DOCK3: variants seen among roughly 807,000 people sequenced by gnomAD.
DOCK3 encodes dedicator of cytokinesis protein 3.
A neutral mutation model predicts 265.6 loss-of-function variants in DOCK3; 60 were observed. The ratio of observed to expected loss-of-function variants is 0.23; its 90% CI spans 0.18 to 0.28. The LOEUF is 0.28. Ranked by LOEUF, DOCK3 falls within the 10% of genes least tolerant of loss-of-function variation. The pLI, the probability that DOCK3 is intolerant of heterozygous loss-of-function variation, is 1.00. For missense variants in DOCK3, 1,981 were observed against 2,594.3 expected (o/e 0.76, Z 5.14); for synonymous variants, 881 against 938.0 (o/e 0.94, Z 1.11).
chr3:51,091,750 G>A (rs2082647643), intron 9 of DOCK3, among the ~76,000 whole-genome samples: 1 of 151,462 alleles, frequency 6.6e-6, no homozygotes, highest in South Asian at 2.1e-4. Context: ...CTGGTCTGCA[G>A]CTCCCAGCAA....
chr3:51,251,708 T>G (rs1166743235), intron 22 of DOCK3, among the ~76,000 whole-genome samples: 3 of 152,176 alleles, frequency 2.0e-5, no homozygotes, highest in Non-Finnish European at 4.4e-5. Flanking sequence ...GCCCACTTTT[T>G]GATGGTTTTT....
At chr3:50,695,030 G>A (rs2035523446) in intron 1 of DOCK3, among the ~76,000 whole-genome samples, 2 of 152,068 alleles carry the variant, frequency 1.3e-5, no homozygotes, top group South Asian at 4.1e-4. Context: ...GTCACTTAAG[G>A]TTTTTATTTG....
intron 9 of DOCK3, among the ~76,000 whole-genome samples, chr3:51,124,694 A>G (rs921637746): frequency 2.0e-5 from 3 of 152,180 alleles, no homozygotes; most frequent in Admixed American, 6.5e-5. Flanking sequence ...CTTTTTGATC[A>G]ATATTAAATC....
At chr3:51,064,883 A>G (rs985615506) in intron 6 of DOCK3, among the ~76,000 whole-genome samples, 2 of 152,186 alleles carry the variant, frequency 1.3e-5, no homozygotes, top group African/African-American at 4.8e-5. Context: ...TTGACCTCAG[A>G]TTTCTTGATT....
chr3:51,003,239 C>G (rs2078549129), intron 5 of DOCK3, among the ~76,000 whole-genome samples: 1 of 152,120 alleles, frequency 6.6e-6, no homozygotes, highest in South Asian at 2.1e-4. Flanking sequence ...TTTTAAAGAG[C>G]TGCTAGTCAG....
At chr3:50,868,898 T>C (rs2047274169) in intron 3 of DOCK3, among the ~76,000 whole-genome samples, 1 of 142,176 alleles carries the variant, frequency 7.0e-6, no homozygotes, top group Admixed American at 7.4e-5. Flanking sequence ...ATTTGGATAA[T>C]CTGTTTTTTT....
intron 3 of DOCK3, among the ~76,000 whole-genome samples, chr3:50,846,901 T>C (rs1298472415): frequency 2.6e-5 from 4 of 152,146 alleles, no homozygotes; most frequent in Non-Finnish European, 5.9e-5. Context: ...TTTGGATCTT[T>C]TCTCTTTTTT....
At chr3:51,262,430 CA>C (rs2079907704) in intron 23 of DOCK3, among the ~76,000 whole-genome samples, 1 of 151,740 alleles carries the variant, frequency 6.6e-6, no homozygotes, top group Non-Finnish European at 1.5e-5. Context: ...CATCAAACAC[CA>C]AAGGTAGATA....
rs1190738990 is a variant in DOCK3, at chr3:51,236,447, TCTTTA to T, written c.2001+24_2001+28del. ...GTCTCTGGTAAGTCACCTTCCTGACTCTTTACTTTTATTAATTATTCCTGTCATAT... is the reference window on the plus strand; with the variant it reads ...GTCTCTGGTAAGTCACCTTCCTGACTCTTTTATTAATTATTCCTGTCATAT... On this transcript the variant is annotated intron_variant, in intron 20 of 52. Transcript: ENST00000266037. 3 of 1,588,494 alleles carry T rather than the reference TCTTTA, an allele frequency of 1.9e-6. No individual in the cohort carries two copies. The highest frequency in any genetic ancestry group is 2.6e-6 in the Non-Finnish European group (3 of 1,166,912).
Position 51,380,117 on chromosome 3 carries a change from C to A in DOCK3, c.5501-8C>A. ...CCAGCTGAGGCTCTGGTTCTGTTCC[C>A]TTTGCAGGTCATTACTCCCTACACT... is the stretch of plus-strand genomic sequence containing the variant. On this transcript the variant is annotated splice_polypyrimidine_tract_variant and splice_region_variant and intron_variant, in intron 51 of 52. Transcript: ENST00000266037. 6.2e-7 allele frequency: 1 copy of A among 1,612,460 alleles called. No individual in the cohort carries two copies. The highest frequency in any genetic ancestry group is 8.5e-7 in the Non-Finnish European group (1 of 1,178,988).
intron 13 of DOCK3, among the ~76,000 whole-genome samples, chr3:51,209,847 A>T (rs2089410974): frequency 6.6e-6 from 1 of 152,238 alleles, no homozygotes. Flanking sequence ...TGATTCCTCT[A>T]AAACCCTAGT....
intron 9 of DOCK3, among the ~76,000 whole-genome samples, chr3:51,133,764 G>C (rs1394429178): frequency 6.6e-6 from 1 of 152,054 alleles, no homozygotes; most frequent in Non-Finnish European, 1.5e-5. Context: ...TGGGATAATG[G>C]TGGAAGGAAC....
intron 5 of DOCK3, among the ~76,000 whole-genome samples, chr3:50,999,405 C>T (rs561426114): frequency 1.3e-5 from 2 of 152,292 alleles, no homozygotes; most frequent in East Asian, 3.9e-4. Context: ...ACACCCAGCC[C>T]TTGCTCTTAC....
At chr3:51,121,825 C>T (rs2084030979) in intron 9 of DOCK3, among the ~76,000 whole-genome samples, 1 of 152,106 alleles carries the variant, frequency 6.6e-6, no homozygotes, top group Non-Finnish European at 1.5e-5. Flanking sequence ...TGAGGTTGAA[C>T]AGTTTGCTAG....
At chr3:51,054,413 A>G (rs973243841) in intron 5 of DOCK3, among the ~76,000 whole-genome samples, 6 of 152,122 alleles carry the variant, frequency 3.9e-5, no homozygotes, top group Non-Finnish European at 5.9e-5. Context: ...TCTTTGCCCC[A>G]GTGTTCTGAA....
chr3:51,315,095 C>T lies in DOCK3; in HGVS notation c.3369C>T (p.Asp1123=). The T allele has an allele frequency of 1.2e-6, 2 of 1,610,880 alleles. No homozygotes were observed. The highest frequency in any genetic ancestry group is 1.7e-6 in the Non-Finnish European group (2 of 1,178,156). ...TTCCCATCTTTCATGACATGATGGA[C>T]TGGGAGCAGAGAAAAAATGGCAACT... is the stretch of plus-strand genomic sequence containing the variant. The part of the protein sequence containing the change: ...IMIPIFHDMM[D]WEQRKNGNFK... The change falls in exon 32 of 53, where the codon GAC becomes GAT. Residue 1123 remains aspartate, a synonymous_variant. Transcript: ENST00000266037.
chr3:51,121,763 C>A (rs1424238268), intron 9 of DOCK3, among the ~76,000 whole-genome samples: 6 of 152,136 alleles, frequency 3.9e-5, no homozygotes, highest in South Asian at 2.1e-4. Context: ...GTACCAAACC[C>A]TGTGTCAGGA....
At position 50,890,126 on chromosome 3, in the gene DOCK3, T is replaced by C. The variant is rs755513239; in HGVS notation, c.218+45T>C. 28 of 1,362,294 alleles carry C rather than the reference T, an allele frequency of 2.1e-5. No individual in the cohort carries two copies. The African/African-American group carries it at 4.3e-4, about 21-fold the overall frequency. The allele number at this position is 1,362,294 out of a possible 1,614,324, so 84.4% of individuals were successfully genotyped here. A position where few individuals can be genotyped will look rare whatever the true frequency, so the allele number is the denominator to read the frequency against. Reference sequence around the variant, plus strand: ...AAATTTATGTACAATTTTTATAGGCTACAGAGGAAGATTGTTTTTCCTTTT... The same window carrying C: ...AAATTTATGTACAATTTTTATAGGCCACAGAGGAAGATTGTTTTTCCTTTT... On this transcript the variant is annotated intron_variant, in intron 4 of 52. Transcript: ENST00000266037.
At chr3:50,746,757 G>T (rs1253876796) in intron 1 of DOCK3, among the ~76,000 whole-genome samples, 2 of 151,942 alleles carry the variant, frequency 1.3e-5, no homozygotes, top group Admixed American at 6.6e-5. Flanking sequence ...AGGAGTAAGG[G>T]GTGGAGGAAG....
Sources: allele counts gnomAD v4.1 joint callset (sites outside exome capture counted in the v4.1 genomes callset), GRCh38; gene constraint gnomAD v4.1.1; transcripts MANE v1.5; gene names NCBI Gene and HGNC (gene_info 2026-07-23, HGNC 2026-07-21).